The following DSCC1 variants were observed in gnomAD, a reference collection of about 807,000 sequenced individuals.
DSCC1 encodes sister chromatid cohesion protein DCC1.
A neutral mutation model predicts 48.2 loss-of-function variants in DSCC1; 32 were observed. The ratio of observed to expected loss-of-function variants is 0.66; its 90% CI spans 0.50 to 0.89. The LOEUF is 0.89. DSCC1 is among the 40% of genes least tolerant of loss of function. DSCC1 has a pLI of 0.00. For synonymous variants in DSCC1, 150 were observed against 171.5 expected (o/e 0.87, Z 0.98); for missense variants, 421 against 471.7 (o/e 0.89, Z 1.00).
chr8:119,846,348 G>A (rs187371190), intron 4 of DSCC1, among the ~76,000 whole-genome samples: 4 of 152,116 alleles, frequency 2.6e-5, no homozygotes, highest in Middle Eastern at 3.4e-3. Flanking sequence ...TCCTGACGTC[G>A]TGATCGGCCA....
intron 2 of DSCC1, among the ~76,000 whole-genome samples, chr8:119,851,948 C>T (rs959191815): frequency 2.0e-5 from 3 of 152,104 alleles, no homozygotes; most frequent in Admixed American, 1.3e-4. Context: ...GAAAAAATAA[C>T]ACTTTTTTAC....
intron 8 of DSCC1, among the ~76,000 whole-genome samples, chr8:119,836,168 C>G (rs941376358): frequency 1.3e-5 from 2 of 152,162 alleles, no homozygotes; most frequent in African/African-American, 4.8e-5. Context: ...CAAGAATTAG[C>G]TGGGCATGGT....
At chr8:119,839,700 C>T (rs888471540) in intron 7 of DSCC1, 6 of 152,226 alleles carry the variant, frequency 3.9e-5, no homozygotes, top group African/African-American at 1.2e-4. Flanking sequence ...AAGTCCTTAG[C>T]GCAGTCCACA....
At chr8:119,842,921 T>C (rs571170340) in intron 5 of DSCC1, 93 bp from the exon 6 acceptor site, 6 of 1,068,560 alleles carry the variant, frequency 5.6e-6, no homozygotes, top group Non-Finnish European at 6.8e-6. Flanking sequence ...AGAAAGAAAT[T>C]TGAGATTTCA....
At chr8:119,840,981 A>G (rs570949854) in intron 7 of DSCC1, among the ~76,000 whole-genome samples, 45 of 151,588 alleles carry the variant, frequency 3.0e-4, no homozygotes, top group African/African-American at 9.7e-4. Context: ...GCATTTATTT[A>G]TTTATTTATT....
intron 8 of DSCC1, among the ~76,000 whole-genome samples, chr8:119,837,267 T>TG (rs1826699058): frequency 6.6e-6 from 1 of 152,084 alleles, no homozygotes; most frequent in Non-Finnish European, 1.5e-5. Context: ...ATCCAAGTCT[T>TG]TAAGAAGGCA....
intron 3 of DSCC1, among the ~76,000 whole-genome samples, chr8:119,848,142 T>G (rs1050007386): frequency 4.6e-5 from 7 of 152,146 alleles, no homozygotes; most frequent in African/African-American, 1.7e-4. Context: ...TTTAAATATT[T>G]TGTAGAGACA....
chr8:119,854,687 G>A (rs1328420382), intron 1 of DSCC1, among the ~76,000 whole-genome samples: 1 of 152,172 alleles, frequency 6.6e-6, no homozygotes, highest in Non-Finnish European at 1.5e-5. Context: ...AGATTAACTA[G>A]AACTGGACCG....
rs1298400394 is a variant in DSCC1, at chr8:119,834,968, T to G, written c.1107A>C (p.Ala369=). The stretch of plus-strand genomic sequence containing the variant: ...AAGAATGAGAATATTTAGTGAGTAA[T>G]GCACCTATGGTTTGCTTCTCTCCAC... ...DLCGEKQTIG[A]LLTKYSHSSM... Residue 369 remains alanine (A), a synonymous_variant, in exon 9 of 9, where the codon GCA becomes GCC. Transcript: ENST00000313655. The G allele has an allele frequency of 1.9e-6, 3 of 1,609,692 alleles. No individual in the cohort carries two copies. The East Asian group carries it at 6.7e-5, about 36-fold the overall frequency.
chr8:119,847,822 C>T (rs1826880958), intron 3 of DSCC1, among the ~76,000 whole-genome samples: 1 of 152,018 alleles, frequency 6.6e-6, no homozygotes, highest in Non-Finnish European at 1.5e-5. Context: ...TGCGCCACCA[C>T]ACCTGGCAAA....
chr8:119,842,866 C>A (rs1826793686), intron 5 of DSCC1, 38 bp from the exon 6 acceptor site: 1 of 1,535,300 alleles, frequency 6.5e-7, no homozygotes, highest in Non-Finnish European at 8.9e-7. Context: ...AAGTTATAAG[C>A]ATTTTTATGC....
At chr8:119,842,913 A>G (rs1826794734) in intron 5 of DSCC1, 85 bp from the exon 6 acceptor site, 2 of 1,146,072 alleles carry the variant, frequency 1.7e-6, no homozygotes, top group African/African-American at 1.6e-5. Flanking sequence ...CAAAATTAAG[A>G]AAGAAATTTG....
rs1472304767 is a variant in DSCC1, at chr8:119,849,204, A to G, written c.486+1178T>C. On this transcript the variant is annotated intron_variant, in intron 3 of 8. Coordinates refer to ENST00000313655, the MANE Select transcript of DSCC1 (RefSeq NM_024094.3). ...CCTCTCAAAAAAAAAAAAAAAAAAA[A>G]AAGACTAGCCTGGCCAACATGGTGA... Among the ~76,000 whole-genome samples the G allele has an allele frequency of 8.1e-3, 1,188 of 145,796 alleles. 28 individuals carry two copies. The highest frequency in any genetic ancestry group is 0.029 in the African/African-American group (1,120 of 38,280).
intron 3 of DSCC1, among the ~76,000 whole-genome samples, chr8:119,847,352 T>A (rs1028420288): frequency 2.6e-5 from 4 of 152,316 alleles, no homozygotes; most frequent in Non-Finnish European, 5.9e-5. Context: ...GTAGATCAAT[T>A]GGACATCATC....
At chr8:119,846,436 T>G (rs1826858362) in intron 4 of DSCC1, among the ~76,000 whole-genome samples, 1 of 152,038 alleles carries the variant, frequency 6.6e-6, no homozygotes. Flanking sequence ...TCTAACATGG[T>G]TCTTCCTTTA....
intron 3 of DSCC1, 37 bp downstream of exon 3, chr8:119,850,345 G>A (rs974303290): frequency 6.5e-7 from 1 of 1,540,442 alleles, no homozygotes; most frequent in African/African-American, 1.4e-5. Context: ...GATTATAGTT[G>A]TTAAATTCCA....
In DSCC1 at chr8:119,849,886, T is replaced by G. The variant is rs1255351211; in HGVS notation, c.486+496A>C. ...TTCTGTAATTTTTAAATTAAAAATT[T>G]TAAAACTGTTTTTTACTTTGTTTAT... is the stretch of plus-strand genomic sequence containing the variant. On this transcript the variant is annotated intron_variant, in intron 3 of 8. Coordinates refer to ENST00000313655, the MANE Select transcript of DSCC1 (RefSeq NM_024094.3). Among the ~76,000 whole-genome samples the G allele has an allele frequency of 2.0e-5, 3 of 152,194 alleles. No individual in the cohort carries two copies. The East Asian group carries it at 5.8e-4, about 29-fold the overall frequency.
At chr8:119,838,812 C>G (rs1488147475) in intron 7 of DSCC1, 1 of 153,466 alleles carries the variant, frequency 6.5e-6, no homozygotes, top group Non-Finnish European at 1.4e-5. Flanking sequence ...TGGCTCACTG[C>G]AACCTCTGCC....
At chr8:119,835,182 T>C (rs1353295533) in intron 8 of DSCC1, among the ~76,000 whole-genome samples, 181 bp from the exon 9 acceptor site, 2 of 152,156 alleles carry the variant, frequency 1.3e-5, no homozygotes, top group African/African-American at 4.8e-5. Flanking sequence ...TTAAGTACAT[T>C]ATATGTATTG....
Sources: gnomAD v4.1 joint callset for allele counts (sites outside exome capture counted in the v4.1 genomes callset) on GRCh38, gnomAD v4.1.1 for gene constraint, MANE v1.5 for transcripts, NCBI Gene and HGNC (gene_info 2026-07-23, HGNC 2026-07-21) for gene names.